The following UNC5C variants were observed in gnomAD, a reference collection of about 807,000 sequenced individuals.
The protein encoded by UNC5C is unc-5 netrin receptor C.
UNC5C carries 47 observed loss-of-function variants against 99.8 expected under a neutral mutation model. That is an observed-to-expected ratio of 0.47 (90% CI 0.37 to 0.60). UNC5C has a LOEUF of 0.60. Among genes scored for constraint, UNC5C ranks in the 20% least tolerant of loss-of-function variants. The probability of loss-of-function intolerance (pLI) is 0.00; values close to 1 mark genes in which losing one functional copy is unlikely to be tolerated. For missense variants in UNC5C, 1,062 were observed against 1,165.9 expected (o/e 0.91, Z 1.30); for synonymous variants, 487 against 452.2 (o/e 1.08, Z -0.98).
At chr4:95,209,917 A>G (rs969053202) in intron 10 of UNC5C, among the ~76,000 whole-genome samples, 1 of 152,210 alleles carries the variant, frequency 6.6e-6, no homozygotes, top group African/African-American at 2.4e-5. Context: ...TGAGAAGTGA[A>G]CATTAAACTT....
At chr4:95,183,457 C>A (rs1459564195) in intron 13 of UNC5C, among the ~76,000 whole-genome samples, 1 of 152,064 alleles carries the variant, frequency 6.6e-6, no homozygotes, top group Non-Finnish European at 1.5e-5. Context: ...TAATAGAATC[C>A]CTGTCGTGAC....
chr4:95,242,686 A>C, intron 6 of UNC5C, 93 bp from the exon 7 acceptor site: 1 of 1,333,566 alleles, frequency 7.5e-7, no homozygotes, highest in Non-Finnish European at 1.0e-6. Flanking sequence ...AAAACAAAAC[A>C]AGAACAAGCA....
intron 1 of UNC5C, among the ~76,000 whole-genome samples, chr4:95,350,762 T>C (rs1369152684): frequency 2.0e-5 from 3 of 152,170 alleles, no homozygotes; most frequent in African/African-American, 7.2e-5. Flanking sequence ...CATGCTCTCT[T>C]CTCTGGAAAA....
intron 1 of UNC5C, among the ~76,000 whole-genome samples, chr4:95,414,223 C>G (rs570588641): frequency 5.9e-5 from 9 of 151,932 alleles, no homozygotes; most frequent in African/African-American, 1.5e-4. Context: ...ACCTCCCCCC[C>G]ACAAAAAATA....
chr4:95,300,769 A>G (rs1383023003), intron 3 of UNC5C, among the ~76,000 whole-genome samples: 1 of 152,198 alleles, frequency 6.6e-6, no homozygotes. Flanking sequence ...GACATAGAGA[A>G]TAAAAGATAG....
chr4:95,221,626 C>A (rs1181906520), intron 7 of UNC5C, among the ~76,000 whole-genome samples: 3 of 152,172 alleles, frequency 2.0e-5, no homozygotes, highest in African/African-American at 7.2e-5. Flanking sequence ...AAATAATTTT[C>A]TTCCCAACAT....
chr4:95,507,231 C>G (rs1056162946), intron 1 of UNC5C, among the ~76,000 whole-genome samples: 1 of 151,882 alleles, frequency 6.6e-6, no homozygotes, highest in Non-Finnish European at 1.5e-5. Flanking sequence ...GTAAATTAAT[C>G]AGCAGATACA....
At chr4:95,407,458 A>T (rs775847667) in intron 1 of UNC5C, among the ~76,000 whole-genome samples, 1 of 152,094 alleles carries the variant, frequency 6.6e-6, no homozygotes, top group Non-Finnish European at 1.5e-5. Context: ...CTTGTTCAAC[A>T]TTCCTGAAGC....
chr4:95,224,307 G>T (rs1056235247), intron 7 of UNC5C, among the ~76,000 whole-genome samples: 1 of 152,102 alleles, frequency 6.6e-6, no homozygotes, highest in Non-Finnish European at 1.5e-5. Context: ...AAGAATCAGC[G>T]TGGTCCTGCT....
intron 12 of UNC5C, among the ~76,000 whole-genome samples, chr4:95,190,396 G>A (rs1737029031): frequency 6.6e-6 from 1 of 152,096 alleles, no homozygotes; most frequent in Non-Finnish European, 1.5e-5. Flanking sequence ...TGTAAATGAG[G>A]AGTTAATGGG....
At chr4:95,213,626 C>T (rs1738150544) in intron 10 of UNC5C, among the ~76,000 whole-genome samples, 1 of 152,172 alleles carries the variant, frequency 6.6e-6, no homozygotes. Context: ...AATTCACATC[C>T]GCAGATGACC....
intron 10 of UNC5C, among the ~76,000 whole-genome samples, chr4:95,212,945 C>T (rs1738124841): frequency 6.6e-6 from 1 of 152,262 alleles, no homozygotes; most frequent in African/African-American, 2.4e-5. Context: ...TCTCTCCTCA[C>T]ACCTGCATTA....
At position 95,202,700 on chromosome 4, in the gene UNC5C, G is replaced by A. The variant is rs565376411; in HGVS notation, c.2136+31C>T. On this transcript the variant is annotated intron_variant, in intron 12 of 15. Coordinates refer to ENST00000453304, the MANE Select transcript of UNC5C (RefSeq NM_003728.4). ...AAAACCTTGGCTTCCAGGTGGAGGT[G>A]AAGAGGGCAGGCTAGGTGGGAGGCA... 1.4e-5 allele frequency: 23 copies of A among 1,602,688 alleles called. No homozygotes were observed. The African/African-American group carries it at 2.0e-4, about 14-fold the overall frequency.
intron 1 of UNC5C, among the ~76,000 whole-genome samples, chr4:95,401,084 A>G (rs1163390125): frequency 6.6e-6 from 1 of 152,080 alleles, no homozygotes; most frequent in East Asian, 1.9e-4. Flanking sequence ...TTTTCTCACT[A>G]AAAGAAATAC....
intron 4 of UNC5C, among the ~76,000 whole-genome samples, chr4:95,277,377 C>T (rs532022363): frequency 5.7e-4 from 87 of 152,298 alleles, no homozygotes; most frequent in African/African-American, 2.0e-3. Flanking sequence ...TTAATGTGTG[C>T]TTGGACTTGT....
intron 11 of UNC5C, among the ~76,000 whole-genome samples, chr4:95,203,172 CAGTTTGCAT>C (rs1737751404): frequency 2.0e-5 from 3 of 152,126 alleles, no homozygotes; most frequent in Non-Finnish European, 4.4e-5. Context: ...AGATGTCTTT[CAGTTTGCAT>C]TTTTTGATCT....
chr4:95,235,597 T>C (rs546924961), intron 7 of UNC5C, among the ~76,000 whole-genome samples: 23 of 152,354 alleles, frequency 1.5e-4, no homozygotes, highest in Admixed American at 2.6e-4. Context: ...GGTTTTCTTC[T>C]AGGGTTTTTA....
chr4:95,290,026 C>T (rs887265674), intron 3 of UNC5C, among the ~76,000 whole-genome samples: 3 of 151,970 alleles, frequency 2.0e-5, no homozygotes, highest in East Asian at 1.9e-4. Context: ...AATTGAAGCT[C>T]GGTGCAGTGG....
chr4:95,205,833 G>T (rs1216359995), intron 11 of UNC5C, among the ~76,000 whole-genome samples: 2 of 152,044 alleles, frequency 1.3e-5, no homozygotes, highest in African/African-American at 4.8e-5. Flanking sequence ...CCAGAATGCT[G>T]CAGATTTTCT....
Sources: gnomAD v4.1 joint callset for allele counts (sites outside exome capture counted in the v4.1 genomes callset) on GRCh38, gnomAD v4.1.1 for gene constraint, MANE v1.5 for transcripts, NCBI Gene and HGNC (gene_info 2026-07-23, HGNC 2026-07-21) for gene names.